RPRD2: variants seen among roughly 807,000 people sequenced by gnomAD.
The protein encoded by RPRD2 is regulation of nuclear pre-mRNA domain containing 2.
A neutral mutation model predicts 104.4 loss-of-function variants in RPRD2; 12 were observed. The observed-to-expected ratio is 0.11, with a 90% CI of 0.07 to 0.19. The LOEUF (loss-of-function observed/expected upper bound fraction) is 0.19, where lower values mean the gene tolerates loss of function less well. RPRD2 is among the 10% of genes least tolerant of loss of function. The pLI, the probability that RPRD2 is intolerant of heterozygous loss-of-function variation, is 1.00. For missense variants in RPRD2, 1,543 were observed against 1,790.1 expected, an observed-to-expected ratio of 0.86 and a Z score of 2.49; for synonymous variants, 714 against 684.9, an observed-to-expected ratio of 1.04 and a Z score of -0.66.
chr1:150,366,891 G>A (rs1374879858), intron 1 of RPRD2, among the ~76,000 whole-genome samples: 7 of 152,184 alleles, frequency 4.6e-5, no homozygotes, highest in African/African-American at 1.7e-4. Context: ...GCAAGAATAA[G>A]TTGGTCCCTG....
chr1:150,424,204 A>G (rs1431611574), intron 2 of RPRD2, among the ~76,000 whole-genome samples: 2 of 152,210 alleles, frequency 1.3e-5, no homozygotes, highest in African/African-American at 2.4e-5. Context: ...AATTTATGTG[A>G]AAATATGTTC....
chr1:150,380,082 G>C (rs1287589854), intron 1 of RPRD2, among the ~76,000 whole-genome samples: 1 of 152,042 alleles, frequency 6.6e-6, no homozygotes, highest in Admixed American at 6.5e-5. Context: ...TCATAAGTTT[G>C]TTAGCTTTTT....
chr1:150,433,144 TAA>T (rs1162502899), intron 2 of RPRD2, among the ~76,000 whole-genome samples: 2 of 152,106 alleles, frequency 1.3e-5, no homozygotes, highest in Non-Finnish European at 2.9e-5. Flanking sequence ...TATGTACCCA[TAA>T]AAATTTTTTT....
chr1:150,425,420 G>A (rs1189037580), intron 2 of RPRD2, among the ~76,000 whole-genome samples: 1 of 151,342 alleles, frequency 6.6e-6, no homozygotes, highest in Non-Finnish European at 1.5e-5. Context: ...GAGGCAGGTG[G>A]ATCACCTGAG....
intron 1 of RPRD2, among the ~76,000 whole-genome samples, chr1:150,379,329 T>C (rs1220073555): frequency 1.3e-5 from 2 of 152,016 alleles, no homozygotes; most frequent in African/African-American, 2.4e-5. Context: ...TTGATTGTAA[T>C]GGATTTATTG....
rs759764719 is a variant in RPRD2, at chr1:150,472,048, A to G, written c.3100A>G (p.Thr1034Ala). Residue 1034 changes from threonine to alanine, a missense_variant, in exon 11 of 11, where the codon ACT (threonine) becomes GCT (alanine). By Grantham distance (58) the Thr-to-Ala change is moderately conservative. Around this residue, in one of 4 missense-constraint regions of RPRD2, gnomAD observed 880 missense variants for 885.6 expected, o/e 0.99. Coordinates refer to ENST00000369068, the MANE Select transcript of RPRD2 (RefSeq NM_015203.5). ...KHFGQAPSKG[T>A]PSDGVSLSNL... ...TTTTGGCCAGGCTCCCAGCAAGGGC[A>G]CTCCAAGTGATGGTGTCAGTCTCTC... 3.7e-6 allele frequency: 6 copies of G among 1,613,680 alleles called. No individual in the cohort carries two copies. In the East Asian group the frequency reaches 8.9e-5, roughly 24 times the overall value.
chr1:150,441,843 C>T (rs1666425204), intron 3 of RPRD2, 38 bp from the exon 4 acceptor site: 1 of 1,507,864 alleles, frequency 6.6e-7, no homozygotes, highest in East Asian at 2.3e-5. Flanking sequence ...GAACAGCTTC[C>T]CATAATGCCA....
intron 1 of RPRD2, among the ~76,000 whole-genome samples, chr1:150,365,499 A>G (rs183100539): frequency 1.3e-5 from 2 of 152,348 alleles, no homozygotes; most frequent in East Asian, 1.9e-4. Context: ...GTTTGCTGCA[A>G]TAAAATACAG....
intron 6 of RPRD2, among the ~76,000 whole-genome samples, chr1:150,444,799 A>G (rs1470338899): frequency 6.6e-6 from 1 of 152,208 alleles, no homozygotes; most frequent in Non-Finnish European, 1.5e-5. Context: ...ACCTAGAACA[A>G]TGCTTGGCAC....
intron 1 of RPRD2, among the ~76,000 whole-genome samples, chr1:150,415,134 G>A (rs1481822936): frequency 6.6e-6 from 1 of 152,028 alleles, no homozygotes; most frequent in Non-Finnish European, 1.5e-5. Context: ...AGACCAGCCT[G>A]CCAGCATAAC....
At chr1:150,407,848 A>G (rs1376082867) in intron 1 of RPRD2, among the ~76,000 whole-genome samples, 1 of 152,176 alleles carries the variant, frequency 6.6e-6, no homozygotes, top group Admixed American at 6.5e-5. Context: ...ATTTAATCAT[A>G]GGATATTGAA....
Position 150,472,709 on chromosome 1 carries a change from C to A in RPRD2, c.3761C>A (p.Ala1254Asp). Residue 1254 changes from alanine to aspartate, a missense_variant, in exon 11 of 11, where the codon GCC becomes GAC. Transcript: ENST00000369068. ...FTKEAALAHA[A>D]PPPPPGEHSG... ...AAGGAGGCAGCCCTGGCCCATGCTG[C>A]CCCACCCCCTCCTCCTGGAGAGCAC... is the stretch of plus-strand genomic sequence containing the variant. 6.2e-7 allele frequency: 1 copy of A among 1,613,686 alleles called. No homozygotes were observed. Among genetic ancestry groups the A allele is most frequent in the South Asian group, 1.1e-5 (1 of 91,072 alleles).
intron 7 of RPRD2, among the ~76,000 whole-genome samples, chr1:150,455,212 T>C (rs1413755961): frequency 6.6e-6 from 1 of 151,950 alleles, no homozygotes; most frequent in Non-Finnish European, 1.5e-5. Context: ...TCAAAACCAG[T>C]GAAAGTCCAG....
intron 1 of RPRD2, among the ~76,000 whole-genome samples, chr1:150,404,372 G>A (rs925903914): frequency 1.2e-4 from 18 of 152,008 alleles, no homozygotes; most frequent in Non-Finnish European, 1.9e-4. Flanking sequence ...TCAGCCTCCC[G>A]AGTAGCTGGG....
At chr1:150,377,274 T>C (rs1254499998) in intron 1 of RPRD2, among the ~76,000 whole-genome samples, 1 of 150,686 alleles carries the variant, frequency 6.6e-6, no homozygotes, top group Admixed American at 6.6e-5. Context: ...CTGTATTGGG[T>C]GCTGAAAGAG....
intron 2 of RPRD2, among the ~76,000 whole-genome samples, chr1:150,438,013 G>A (rs984841758): frequency 4.1e-5 from 6 of 147,460 alleles, no homozygotes; most frequent in Non-Finnish European, 6.0e-5. Flanking sequence ...GCCAGGAACC[G>A]TGGCTCACGC....
intron 1 of RPRD2, among the ~76,000 whole-genome samples, chr1:150,390,785 A>G (rs6694075): frequency 0.023 from 3,428 of 152,286 alleles, 55 homozygotes; most frequent in Non-Finnish European, 0.034. Flanking sequence ...GAGCATAATG[A>G]GTCTAACATG....
chr1:150,420,244 C>T (rs1294300630), intron 2 of RPRD2, among the ~76,000 whole-genome samples: 13 of 152,126 alleles, frequency 8.5e-5, no homozygotes, highest in African/African-American at 3.1e-4. Context: ...CAGTTGCCAA[C>T]CTTTTTTTTT....
At chr1:150,411,580 C>G (rs1663920592) in intron 1 of RPRD2, among the ~76,000 whole-genome samples, 1 of 117,258 alleles carries the variant, frequency 8.5e-6, no homozygotes, top group Non-Finnish European at 1.7e-5. Context: ...CACCTGAGGT[C>G]AGGAGTTTTA....
Sources: gnomAD v4.1 joint callset for allele counts (sites outside exome capture counted in the v4.1 genomes callset) on GRCh38, gnomAD v4.1.1 for gene constraint, gnomAD v4.1.1 regional missense constraint, MANE v1.5 for transcripts, NCBI Gene and HGNC (gene_info 2026-07-23, HGNC 2026-07-21) for gene names.